The following MALRD1 variants were observed in gnomAD, a reference collection of about 807,000 sequenced individuals.
MALRD1 encodes the protein MAM and LDL receptor class A domain containing 1.
In MALRD1, 247 loss-of-function variants were observed where a neutral mutation model predicts 242.1. The observed-to-expected ratio is 1.02, with a 90% CI of 0.92 to 1.13. The LOEUF is 1.13. MALRD1 is among the 50% of genes most tolerant of loss of function. The probability of loss-of-function intolerance (pLI) is 0.00; values close to 1 mark genes in which losing one functional copy is unlikely to be tolerated. For missense variants in MALRD1, 2,989 were observed against 2,533.1 expected (o/e 1.18, Z -3.86); for synonymous variants, 995 against 866.6 (o/e 1.15, Z -2.60).
At chr10:19,335,199 T>G (rs1843553565) in intron 24 of MALRD1, among the ~76,000 whole-genome samples, 2 of 150,160 alleles carry the variant, frequency 1.3e-5, no homozygotes, top group Admixed American at 6.6e-5. Context: ...TTTGTTTTTT[T>G]TTTTTTTTAG....
At chr10:19,673,353 C>T (rs1440768361) in intron 36 of MALRD1, among the ~76,000 whole-genome samples, 1 of 152,120 alleles carries the variant, frequency 6.6e-6, no homozygotes, top group Non-Finnish European at 1.5e-5. Flanking sequence ...CGCCACTGCA[C>T]TCCAGCCTGG....
intron 28 of MALRD1, among the ~76,000 whole-genome samples, chr10:19,448,962 C>T (rs1389649275): frequency 6.6e-6 from 1 of 152,116 alleles, no homozygotes; most frequent in African/African-American, 2.4e-5. Flanking sequence ...CTCCTTTTCT[C>T]TTTTCCTCTG....
At chr10:19,150,406 T>C (rs1833903095) in intron 11 of MALRD1, among the ~76,000 whole-genome samples, 1 of 151,808 alleles carries the variant, frequency 6.6e-6, no homozygotes, top group Non-Finnish European at 1.5e-5. Context: ...GGGGACTGTC[T>C]GCAGATTTCG....
At chr10:19,653,942 G>A (rs1005623044) in intron 36 of MALRD1, among the ~76,000 whole-genome samples, 1 of 152,096 alleles carries the variant, frequency 6.6e-6, no homozygotes, top group African/African-American at 2.4e-5. Context: ...CCAGATGGGT[G>A]AAATCCAAGT....
rs1268429780 is a variant in MALRD1, at chr10:19,284,701, G to A, written c.3419+1520G>A. Among the ~76,000 whole-genome samples, 32 of 109,510 alleles carry A rather than the reference G, an allele frequency of 2.9e-4. 1 individual carries two copies. The highest frequency in any genetic ancestry group is 9.2e-4 in the East Asian group (3 of 3,256). 71.8% of individuals were successfully genotyped at this position (109,510 alleles called of 152,430 possible). ...AGTCTTTGCTATTGTGAATAATGCC[G>A]CAATAAACATACGTGTGCATGTGTC... On this transcript the variant is annotated intron_variant, in intron 21 of 39. Transcript: ENST00000454679.
intron 34 of MALRD1, among the ~76,000 whole-genome samples, chr10:19,606,157 T>G (rs1182190729): frequency 2.0e-5 from 3 of 152,152 alleles, no homozygotes; most frequent in Non-Finnish European, 2.9e-5. Flanking sequence ...TTCTAACTCA[T>G]AATTATACTT....
intron 28 of MALRD1, among the ~76,000 whole-genome samples, chr10:19,425,029 G>T (rs1458280126): frequency 6.6e-6 from 1 of 152,148 alleles, no homozygotes; most frequent in South Asian, 2.1e-4. Flanking sequence ...TGGTTGACAT[G>T]AATTATTTTT....
chr10:19,426,256 T>C (rs1465816978), intron 28 of MALRD1, among the ~76,000 whole-genome samples: 1 of 152,128 alleles, frequency 6.6e-6, no homozygotes, highest in Admixed American at 6.5e-5. Flanking sequence ...GGTTAAAACA[T>C]GTCAAATAAA....
intron 36 of MALRD1, among the ~76,000 whole-genome samples, chr10:19,660,608 T>C (rs1215989113): frequency 1.3e-5 from 2 of 152,186 alleles, no homozygotes; most frequent in African/African-American, 4.8e-5. Flanking sequence ...TGTTTTATTT[T>C]GACTTGACTT....
At chr10:19,286,647 A>G (rs1180392304) in intron 21 of MALRD1, among the ~76,000 whole-genome samples, 1 of 151,920 alleles carries the variant, frequency 6.6e-6, no homozygotes, top group African/African-American at 2.4e-5. Flanking sequence ...GAATAGACCA[A>G]TAACAGGAGC....
intron 24 of MALRD1, among the ~76,000 whole-genome samples, chr10:19,333,896 A>G (rs1406350193): frequency 6.6e-6 from 1 of 152,100 alleles, no homozygotes; most frequent in East Asian, 1.9e-4. Flanking sequence ...TCTGATGATT[A>G]GTGATACAGA....
intron 29 of MALRD1, among the ~76,000 whole-genome samples, chr10:19,478,882 T>C (rs995596430): frequency 2.0e-5 from 3 of 152,208 alleles, no homozygotes; most frequent in Non-Finnish European, 4.4e-5. Flanking sequence ...TTTTCAATGG[T>C]TGAGAGCCTT....
intron 4 of MALRD1, among the ~76,000 whole-genome samples, chr10:19,101,544 A>G (rs1836255437): frequency 7.3e-6 from 1 of 136,496 alleles, no homozygotes; most frequent in Non-Finnish European, 1.5e-5. Flanking sequence ...ATATTATAAC[A>G]TATAAAATAT....
In MALRD1 at chr10:19,393,735, G is replaced by A. The variant is rs565319476; in HGVS notation, c.4845+4126G>A. 2.5e-3 allele frequency among the ~76,000 whole-genome samples: 376 copies of A among 151,896 alleles called. 2 individuals are homozygous for A. Among genetic ancestry groups the A allele is most frequent in the African/African-American group, 8.6e-3 (358 of 41,422 alleles). On this transcript the variant is annotated intron_variant, in intron 28 of 39. Coordinates refer to ENST00000454679, the MANE Select transcript of MALRD1 (RefSeq NM_001142308.3). The stretch of plus-strand genomic sequence containing the variant: ...CCTCCCAAAGTGCTGGATTACAGGC[G>A]TGAGCCACCGCGCCCGGCCCTGATG...
intron 35 of MALRD1, among the ~76,000 whole-genome samples, chr10:19,609,079 C>A (rs144180742): frequency 6.6e-6 from 1 of 152,156 alleles, no homozygotes; most frequent in East Asian, 1.9e-4. Context: ...ATGTTATAAT[C>A]TGTTATCTTC....
chr10:19,152,095 A>T (rs1469940243), intron 11 of MALRD1, among the ~76,000 whole-genome samples: 1 of 152,118 alleles, frequency 6.6e-6, no homozygotes, highest in Non-Finnish European at 1.5e-5. Context: ...TAATTTTTAT[A>T]TTGTGCTGGT....
chr10:19,231,113 G>A (rs1838045028), intron 18 of MALRD1, among the ~76,000 whole-genome samples: 1 of 152,142 alleles, frequency 6.6e-6, no homozygotes, highest in Non-Finnish European at 1.5e-5. Context: ...TTGTCAAGCT[G>A]ATGTCCATCC....
intron 26 of MALRD1, among the ~76,000 whole-genome samples, chr10:19,372,943 C>T (rs912073947): frequency 6.6e-6 from 1 of 151,916 alleles, no homozygotes; most frequent in East Asian, 1.9e-4. Flanking sequence ...ATATATTTTT[C>T]GCTATCATTA....
chr10:19,431,309 T>C (rs982121925), intron 28 of MALRD1, among the ~76,000 whole-genome samples: 8 of 152,062 alleles, frequency 5.3e-5, no homozygotes, highest in African/African-American at 1.9e-4. Context: ...AGGTTTATAC[T>C]TCTTTTTTTT....
Sources: gnomAD v4.1 joint callset for allele counts (sites outside exome capture counted in the v4.1 genomes callset) on GRCh38, gnomAD v4.1.1 for gene constraint, MANE v1.5 for transcripts, NCBI Gene and HGNC (gene_info 2026-07-23, HGNC 2026-07-21) for gene names.